Variants in TDRD3 observed in about 807,000 individuals in gnomAD.
TDRD3 encodes tudor domain containing 3.
Under a neutral mutation model 86.7 loss-of-function variants are expected in TDRD3, and 45 were observed. The observed-to-expected ratio is 0.52, with a 90% CI of 0.41 to 0.67. TDRD3 has a LOEUF of 0.67. Among genes scored for constraint, TDRD3 ranks in the 30% least tolerant of loss-of-function variants. The pLI is 0.00. For synonymous variants in TDRD3, 298 were observed against 301.7 expected (o/e 0.99, Z 0.13); for missense variants, 814 against 889.0 (o/e 0.92, Z 1.07).
At chr13:60,449,774 T>G (rs960816806) in intron 3 of TDRD3, among the ~76,000 whole-genome samples, 6 of 152,104 alleles carry the variant, frequency 3.9e-5, no homozygotes, top group African/African-American at 1.4e-4. Flanking sequence ...ATTTATAATT[T>G]AGAAAGTTTT....
At chr13:60,424,869 A>G (rs1954763566) in intron 1 of TDRD3, among the ~76,000 whole-genome samples, 2 of 152,106 alleles carry the variant, frequency 1.3e-5, no homozygotes, top group Non-Finnish European at 2.9e-5. Context: ...GACGTTTCAT[A>G]TAAGTGGAAT....
At chr13:60,515,692 G>A (rs1243715584) in intron 10 of TDRD3, among the ~76,000 whole-genome samples, 3 of 152,154 alleles carry the variant, frequency 2.0e-5, no homozygotes, top group African/African-American at 7.2e-5. Flanking sequence ...GGGGTATATT[G>A]TAAAATAAAC....
chr13:60,433,278 C>T (rs1418285187), intron 1 of TDRD3, among the ~76,000 whole-genome samples: 2 of 152,112 alleles, frequency 1.3e-5, no homozygotes, highest in South Asian at 2.1e-4. Flanking sequence ...CACTTTCTGG[C>T]CAATTAAAAC....
intron 8 of TDRD3, among the ~76,000 whole-genome samples, chr13:60,508,331 A>G (rs945575233): frequency 1.3e-5 from 2 of 152,226 alleles, no homozygotes; most frequent in Non-Finnish European, 2.9e-5. Flanking sequence ...AGCAAAAAGA[A>G]CAAAGCTGGA....
chr13:60,503,998 G>A (rs1465795217), intron 8 of TDRD3, among the ~76,000 whole-genome samples: 2 of 152,080 alleles, frequency 1.3e-5, no homozygotes, highest in African/African-American at 4.8e-5. Flanking sequence ...AAACCTTGCT[G>A]TGCTTTTATT....
At chr13:60,553,348 T>G (rs1958109501) in intron 12 of TDRD3, among the ~76,000 whole-genome samples, 1 of 152,054 alleles carries the variant, frequency 6.6e-6, no homozygotes, top group Admixed American at 6.6e-5. Flanking sequence ...CTCTAGGAAG[T>G]TCCAAACTTT....
chr13:60,462,793 A>C (rs989011543), intron 4 of TDRD3, among the ~76,000 whole-genome samples: 3 of 152,190 alleles, frequency 2.0e-5, no homozygotes, highest in Non-Finnish European at 4.4e-5. Context: ...GGTGATAGTA[A>C]AAATTGTATT....
chr13:60,431,703 CAAAAAA>C lies in TDRD3; in HGVS notation c.42-7969_42-7964del, dbSNP rs67787868. ...AGCAACAAAGCAAGACTATCTTTAC[CAAAAAA>C]AAAAAAAAAAAAAAAGGTGGAACTA... On this transcript the variant is annotated intron_variant, in intron 1 of 13. Coordinates refer to ENST00000377881, the MANE Select transcript of TDRD3 (RefSeq NM_001146070.2). 1.9e-4 allele frequency among the ~76,000 whole-genome samples: 12 copies of C among 63,008 alleles called. No homozygotes were observed. The East Asian group carries it at 6.3e-3, about 33-fold the overall frequency. 41.3% of individuals were successfully genotyped at this position (63,008 alleles called of 152,430 possible).
At chr13:60,546,470 T>G (rs1025166299) in intron 12 of TDRD3, among the ~76,000 whole-genome samples, 9 of 152,060 alleles carry the variant, frequency 5.9e-5, no homozygotes, top group Non-Finnish European at 1.0e-4. Flanking sequence ...AAAGCCTACA[T>G]TAAAAAATTT....
chr13:60,530,786 A>G (rs1223088321), intron 11 of TDRD3, among the ~76,000 whole-genome samples: 1 of 152,068 alleles, frequency 6.6e-6, no homozygotes, highest in Non-Finnish European at 1.5e-5. Context: ...TGCAGTTGAT[A>G]CAGTAAGGAT....
At chr13:60,498,557 T>C (rs1956765829) in intron 8 of TDRD3, among the ~76,000 whole-genome samples, 1 of 152,162 alleles carries the variant, frequency 6.6e-6, no homozygotes, top group Non-Finnish European at 1.5e-5. Flanking sequence ...AGAAAGCTTC[T>C]AGGTCTAATG....
chr13:60,559,524 A>G (rs1958284303), intron 12 of TDRD3, among the ~76,000 whole-genome samples: 1 of 152,216 alleles, frequency 6.6e-6, no homozygotes, highest in African/African-American at 2.4e-5. Flanking sequence ...CTATTTCAAC[A>G]AAGACAATAA....
chr13:60,482,375 C>T (rs1467917223), intron 5 of TDRD3, among the ~76,000 whole-genome samples: 1 of 151,934 alleles, frequency 6.6e-6, no homozygotes, highest in Admixed American at 6.6e-5. Flanking sequence ...TATCTGTTAT[C>T]CTATGTCTTA....
intron 12 of TDRD3, among the ~76,000 whole-genome samples, chr13:60,541,117 A>G (rs1486094851): frequency 1.3e-5 from 2 of 151,880 alleles, no homozygotes; most frequent in African/African-American, 4.8e-5. Context: ...AACTATTTGA[A>G]AAATCTACAG....
chr13:60,506,280 CA>C (rs1199726846), intron 8 of TDRD3, among the ~76,000 whole-genome samples: 1 of 152,020 alleles, frequency 6.6e-6, no homozygotes, highest in Non-Finnish European at 1.5e-5. Context: ...ATTTTCATAC[CA>C]GCCAAACTAA....
At chr13:60,416,892 G>C (rs1189273647) in intron 1 of TDRD3, among the ~76,000 whole-genome samples, 1 of 151,750 alleles carries the variant, frequency 6.6e-6, no homozygotes, top group East Asian at 1.9e-4. Context: ...ATCATTCGTT[G>C]TCTTTTTATG....
intron 5 of TDRD3, among the ~76,000 whole-genome samples, chr13:60,480,350 C>G (rs1296719044): frequency 6.6e-6 from 1 of 152,120 alleles, no homozygotes; most frequent in African/African-American, 2.4e-5. Flanking sequence ...GAGGTTTAAG[C>G]TGAAAGGTGT....
At chr13:60,496,022 C>G (rs946974531) in intron 8 of TDRD3, among the ~76,000 whole-genome samples, 9 of 151,818 alleles carry the variant, frequency 5.9e-5, no homozygotes, top group African/African-American at 2.2e-4. Flanking sequence ...GAATCAGTGA[C>G]TTGGGAAAGG....
intron 4 of TDRD3, among the ~76,000 whole-genome samples, chr13:60,462,744 A>G (rs1955828443): frequency 6.6e-6 from 1 of 152,146 alleles, no homozygotes; most frequent in African/African-American, 2.4e-5. Flanking sequence ...ATATTAACCA[A>G]AATATACTTT....
Sources: gnomAD v4.1 joint callset for allele counts (sites outside exome capture counted in the v4.1 genomes callset) on GRCh38, gnomAD v4.1.1 for gene constraint, MANE v1.5 for transcripts, NCBI Gene and HGNC (gene_info 2026-07-23, HGNC 2026-07-21) for gene names.